PEX5L: variants seen among roughly 807,000 people sequenced by gnomAD.
PEX5L encodes peroxisomal biogenesis factor 5 like.
PEX5L carries 30 observed loss-of-function variants against 84.0 expected under a neutral mutation model. The ratio of observed to expected loss-of-function variants is 0.36; its 90% CI spans 0.27 to 0.48. PEX5L has a LOEUF of 0.48. PEX5L is among the 20% of genes least tolerant of loss of function. PEX5L has a pLI of 0.99. For synonymous variants in PEX5L, 270 were observed against 283.1 expected (o/e 0.95, Z 0.46); for missense variants, 533 against 754.6 (o/e 0.71, Z 3.44).
chr3:179,836,705 C>A (rs778795604), intron 8 of PEX5L, among the ~76,000 whole-genome samples: 1 of 152,176 alleles, frequency 6.6e-6, no homozygotes, highest in Non-Finnish European at 1.5e-5. Flanking sequence ...CCAATTAGAT[C>A]ATTTAACCAA....
chr3:179,797,604 AAATATATATATAT>A lies in PEX5L; in HGVS notation c.*4211_*4223del, dbSNP rs1717520192. The A allele has an allele frequency of 2.1e-5, 2 of 93,298 alleles. 1 individual carries two copies. Among genetic ancestry groups the A allele is most frequent in the African/African-American group, 8.6e-5 (2 of 23,362 alleles). 5.8% of individuals were successfully genotyped at this position (93,298 alleles called of 1,614,324 possible). ...GAACACTCTTTAAAAAAAAAAAAAAAAATATATATATATATATATATATATATCTACTTCTTAG... is the reference window on the plus strand; with the variant it reads ...GAACACTCTTTAAAAAAAAAAAAAAAATATATATATATATCTACTTCTTAG... On this transcript the variant is annotated 3_prime_UTR_variant, in exon 15 of 15. Coordinates refer to ENST00000467460, the MANE Select transcript of PEX5L (RefSeq NM_016559.3).
chr3:179,959,104 C>T (rs1402761395), intron 2 of PEX5L, among the ~76,000 whole-genome samples: 1 of 151,988 alleles, frequency 6.6e-6, no homozygotes, highest in African/African-American at 2.4e-5. Context: ...GCCCCACCTC[C>T]AGAGTCTGAA....
At chr3:179,922,451 CTTT>C (rs35332742) in intron 2 of PEX5L, among the ~76,000 whole-genome samples, 1 of 134,040 alleles carries the variant, frequency 7.5e-6, no homozygotes. Context: ...CTTTTCTTTT[CTTT>C]TTTTTTTTTT....
At chr3:179,868,881 TG>T (rs1054254420) in intron 7 of PEX5L, among the ~76,000 whole-genome samples, 1 of 151,366 alleles carries the variant, frequency 6.6e-6, no homozygotes, top group Non-Finnish European at 1.5e-5. Context: ...TGTACCTCAC[TG>T]GGGGGTTGGG....
intron 10 of PEX5L, among the ~76,000 whole-genome samples, chr3:179,812,532 T>C (rs1424013325): frequency 2.0e-5 from 3 of 152,164 alleles, no homozygotes; most frequent in Non-Finnish European, 2.9e-5. Context: ...TGGATTTTGT[T>C]GAATGGCTAT....
At chr3:179,967,599 G>A (rs1401967753) in intron 2 of PEX5L, among the ~76,000 whole-genome samples, 3 of 152,178 alleles carry the variant, frequency 2.0e-5, no homozygotes, top group East Asian at 3.9e-4. Flanking sequence ...TTCTTTAAAG[G>A]TACCTTTGGT....
intron 2 of PEX5L, among the ~76,000 whole-genome samples, chr3:179,931,429 C>A (rs1773078105): frequency 6.6e-6 from 1 of 152,132 alleles, no homozygotes; most frequent in African/African-American, 2.4e-5. Context: ...GAACAGAGAG[C>A]CCAGGATTCC....
At chr3:179,919,250 G>A (rs1768375107) in intron 2 of PEX5L, among the ~76,000 whole-genome samples, 1 of 152,206 alleles carries the variant, frequency 6.6e-6, no homozygotes, top group African/African-American at 2.4e-5. Flanking sequence ...TTAAGTTAAA[G>A]TGGCAGTGGT....
intron 3 of PEX5L, among the ~76,000 whole-genome samples, chr3:179,895,386 T>A (rs1758930546): frequency 6.6e-6 from 1 of 152,102 alleles, no homozygotes; most frequent in Non-Finnish European, 1.5e-5. Flanking sequence ...GAGAAACTTT[T>A]TTTCCTCAAA....
chr3:179,829,772 CTTT>C (rs55899128), intron 8 of PEX5L, among the ~76,000 whole-genome samples: 9,144 of 120,820 alleles, frequency 0.076, 406 homozygotes, highest in Non-Finnish European at 0.099. Flanking sequence ...CTTGCTATAT[CTTT>C]TTTTTTTTTT....
intron 2 of PEX5L, among the ~76,000 whole-genome samples, chr3:179,948,077 T>G (rs1388365821): frequency 1.3e-5 from 2 of 152,176 alleles, no homozygotes; most frequent in African/African-American, 4.8e-5. Context: ...TTTAGAACAT[T>G]GTTATTAATC....
chr3:179,891,154 C>T (rs1757503663), intron 3 of PEX5L, among the ~76,000 whole-genome samples: 1 of 151,752 alleles, frequency 6.6e-6, no homozygotes, highest in South Asian at 2.1e-4. Flanking sequence ...TACACCTCTG[C>T]CTCAGGAAGT....
intron 2 of PEX5L, among the ~76,000 whole-genome samples, chr3:179,917,346 T>TAA (rs200203868): frequency 6.6e-6 from 1 of 151,506 alleles, no homozygotes; most frequent in African/African-American, 2.4e-5. Context: ...TTTTTTTTTT[T>TAA]TAAAATAAGC....
intron 1 of PEX5L, among the ~76,000 whole-genome samples, chr3:179,999,703 C>A (rs1373739310): frequency 6.6e-6 from 1 of 152,168 alleles, no homozygotes; most frequent in South Asian, 2.1e-4. Context: ...CATGGAATCA[C>A]GGAATGCCTT....
rs556346033 is a variant in PEX5L, at chr3:179,993,426, A to G, written c.22-21761T>C. ...TCCTCATAGATACCAAAACCTGAGGATGCCCAAGTACCTTATACAAAATGC... is the reference window on the plus strand; with the variant it reads ...TCCTCATAGATACCAAAACCTGAGGGTGCCCAAGTACCTTATACAAAATGC... On this transcript the variant is annotated intron_variant, in intron 1 of 14. Transcript: ENST00000467460. Among the ~76,000 whole-genome samples, 15 of 152,300 alleles carry G rather than the reference A, an allele frequency of 9.8e-5. 1 individual carries two copies. The highest frequency in any genetic ancestry group is 2.9e-4 in the African/African-American group (12 of 41,574).
At chr3:179,995,731 C>T (rs1257080896) in intron 1 of PEX5L, among the ~76,000 whole-genome samples, 2 of 152,122 alleles carry the variant, frequency 1.3e-5, no homozygotes, top group African/African-American at 4.8e-5. Context: ...GTCTTATCTC[C>T]TGTAGAGAAT....
intron 7 of PEX5L, among the ~76,000 whole-genome samples, chr3:179,859,444 C>T (rs780170369): frequency 2.0e-5 from 3 of 152,166 alleles, no homozygotes; most frequent in Non-Finnish European, 2.9e-5. Flanking sequence ...TAATTGGTCT[C>T]GATTCCAGGC....
chr3:180,004,199 T>C (rs1332155381), intron 1 of PEX5L, among the ~76,000 whole-genome samples: 1 of 152,216 alleles, frequency 6.6e-6, no homozygotes, highest in Admixed American at 6.5e-5. Context: ...ACCAGTAGAT[T>C]TCTATGGTCC....
intron 7 of PEX5L, 109 bp downstream of exon 7, chr3:179,874,218 C>T (rs1751361232): frequency 1.5e-5 from 9 of 589,982 alleles, no homozygotes; most frequent in Middle Eastern, 3.1e-4. Flanking sequence ...ACATGAAACG[C>T]AATGTACAAA....
Sources: allele counts gnomAD v4.1 joint callset (sites outside exome capture counted in the v4.1 genomes callset), GRCh38; gene constraint gnomAD v4.1.1; transcripts MANE v1.5; gene names NCBI Gene and HGNC (gene_info 2026-07-23, HGNC 2026-07-21).